Variants in LIMA1 observed in about 807,000 individuals in gnomAD.
The protein encoded by LIMA1 is LIM domain and actin binding 1, also known as LIM domain and actin-binding protein 1.
In LIMA1, 52 loss-of-function variants were observed where a neutral mutation model predicts 62.6. The observed-to-expected ratio is 0.83, with a 90% CI of 0.67 to 1.05. The LOEUF (loss-of-function observed/expected upper bound fraction) is 1.05, where lower values mean the gene tolerates loss of function less well. LIMA1 is among the 50% of genes least tolerant of loss of function. LIMA1 has a pLI of 0.00. For synonymous variants in LIMA1, 302 were observed against 317.8 expected (o/e 0.95, Z 0.53); for missense variants, 780 against 902.2 (o/e 0.86, Z 1.74).
At chr12:50,216,879 AACCATCATATTCAGCTAAACC>A (rs1169146106) in intron 4 of LIMA1, among the ~76,000 whole-genome samples, 1 of 152,038 alleles carries the variant, frequency 6.6e-6, no homozygotes, top group Non-Finnish European at 1.5e-5. Context: ...AAATAAATAA[AACCATCATATTCAGCTAAACC>A]ACCTGACCTA....
rs1422040241 is a variant in LIMA1 at position 50,177,190 on chromosome 12, T to C, written c.2154A>G (p.Glu718=). ...GGGATTTCTGATTCTGAGTAGTGAA[T>C]TCTTCAGCAAAGGTGTTGTCTACAA... ...SSFVDNTFAE[E]FTTQNQKSQD... is the part of the protein sequence containing the mutation. The change falls in exon 11 of 11, where the codon GAA becomes GAG. Residue 718 remains glutamate (E), a synonymous_variant. Transcript: ENST00000341247. The C allele has an allele frequency of 6.2e-7, 1 of 1,614,162 alleles. No individual in the cohort carries two copies. The highest frequency in any genetic ancestry group is 8.5e-7 in the Non-Finnish European group (1 of 1,180,032).
intron 4 of LIMA1, chr12:50,219,479 T>G (rs377119980): frequency 1.3e-5 from 2 of 152,198 alleles, no homozygotes; most frequent in African/African-American, 4.8e-5. Flanking sequence ...TGAGAGATTC[T>G]GTCTCAAAAA....
intron 4 of LIMA1, among the ~76,000 whole-genome samples, chr12:50,216,360 A>G (rs1235539032): frequency 6.6e-6 from 1 of 151,930 alleles, no homozygotes; most frequent in Non-Finnish European, 1.5e-5. Flanking sequence ...GATTACAGAC[A>G]TGCACCACCA....
At chr12:50,213,553 CTCTT>C (rs973539589) in intron 4 of LIMA1, among the ~76,000 whole-genome samples, 2 of 152,250 alleles carry the variant, frequency 1.3e-5, no homozygotes, top group African/African-American at 4.8e-5. Context: ...TTCTTAAACT[CTCTT>C]AAGGTTCTAG....
chr12:50,240,425 G>T (rs981433938), intron 2 of LIMA1, among the ~76,000 whole-genome samples: 1 of 152,186 alleles, frequency 6.6e-6, no homozygotes, highest in Non-Finnish European at 1.5e-5. Flanking sequence ...GCTGAGAATG[G>T]AGGTGGCATT....
intron 4 of LIMA1, 119 bp from the exon 5 acceptor site, chr12:50,206,187 T>A: frequency 1.4e-6 from 1 of 729,762 alleles, no homozygotes; most frequent in Non-Finnish European, 2.1e-6. Flanking sequence ...TTTTATATTC[T>A]ATAGAATTTT....
At chr12:50,263,903 GTA>G (rs57637973) in intron 1 of LIMA1, among the ~76,000 whole-genome samples, 47,264 of 136,760 alleles carry the variant, frequency 0.35, 8,432 homozygotes, top group South Asian at 0.49. Context: ...TATAAAGTAT[GTA>G]TATATATATA....
intron 2 of LIMA1, among the ~76,000 whole-genome samples, chr12:50,243,110 T>C (rs1204273733): frequency 6.6e-6 from 1 of 152,186 alleles, no homozygotes; most frequent in Non-Finnish European, 1.5e-5. Context: ...TTAACGACTG[T>C]TATAGAGGCT....
chr12:50,201,525 G>A, intron 6 of LIMA1: 2 of 984,286 alleles, frequency 2.0e-6, no homozygotes, highest in Non-Finnish European at 2.4e-6. Context: ...TTGTCATAAG[G>A]AATAAGGATA....
rs193250684 is a variant in LIMA1, at chr12:50,244,244, C to T, written c.119+4389G>A. On this transcript the variant is annotated intron_variant, in intron 2 of 10. Transcript: ENST00000341247. ...TCAGCCTCCCGAGTAGCTGGGATTA[C>T]AGGCATGGGCCACGATGCCCAGCTA... 3.8e-3 allele frequency among the ~76,000 whole-genome samples: 575 copies of T among 152,316 alleles called. 2 individuals are homozygous for T. The highest frequency in any genetic ancestry group is 6.7e-3 in the Non-Finnish European group (458 of 68,022).
At chr12:50,277,582 A>G (rs1025089775) in intron 1 of LIMA1, among the ~76,000 whole-genome samples, 1 of 152,132 alleles carries the variant, frequency 6.6e-6, no homozygotes, top group African/African-American at 2.4e-5. Context: ...AGATCACCTG[A>G]TTGGTTGATG....
chr12:50,184,663 G>A (rs1213833747), intron 9 of LIMA1, among the ~76,000 whole-genome samples: 2 of 152,064 alleles, frequency 1.3e-5, no homozygotes, highest in Non-Finnish European at 2.9e-5. Context: ...AACAAAAGGA[G>A]AGATATTAAA....
intron 2 of LIMA1, among the ~76,000 whole-genome samples, chr12:50,237,014 G>C (rs1941706318): frequency 6.6e-6 from 1 of 152,126 alleles, no homozygotes; most frequent in Admixed American, 6.6e-5. Context: ...AGGTAAATTG[G>C]TAAAACCTTT....
At chr12:50,216,305 T>C (rs909413062) in intron 4 of LIMA1, among the ~76,000 whole-genome samples, 1 of 152,020 alleles carries the variant, frequency 6.6e-6, no homozygotes, top group Non-Finnish European at 1.5e-5. Context: ...AACTCTGCCT[T>C]CTGGGTTCAA....
chr12:50,276,531 A>G (rs747758769), intron 1 of LIMA1, among the ~76,000 whole-genome samples: 1 of 152,224 alleles, frequency 6.6e-6, no homozygotes, highest in Non-Finnish European at 1.5e-5. Context: ...CAATCTCTGG[A>G]TGGTGAAGGC....
At chr12:50,225,321 C>T (rs1425522980) in intron 3 of LIMA1, among the ~76,000 whole-genome samples, 4 of 152,050 alleles carry the variant, frequency 2.6e-5, no homozygotes, top group Non-Finnish European at 4.4e-5. Context: ...AATATGTACC[C>T]GACATGAATA....
intron 5 of LIMA1, among the ~76,000 whole-genome samples, chr12:50,204,986 A>C (rs2138486162): frequency 6.6e-6 from 1 of 152,360 alleles, no homozygotes; most frequent in South Asian, 2.1e-4. Context: ...AAAAGCACGA[A>C]GAAGAAAATC....
intron 2 of LIMA1, chr12:50,234,096 GA>G: frequency 4.4e-6 from 2 of 458,532 alleles, no homozygotes; most frequent in Admixed American, 2.6e-5. Context: ...AGACCTCTGA[GA>G]AAAAAATTAA....
chr12:50,205,531 C>T (rs1026239984), intron 5 of LIMA1, among the ~76,000 whole-genome samples: 2 of 151,834 alleles, frequency 1.3e-5, no homozygotes, highest in African/African-American at 4.8e-5. Context: ...AAACATAATT[C>T]CACTCTCAAA....
Sources: gnomAD v4.1 joint callset for allele counts (sites outside exome capture counted in the v4.1 genomes callset) on GRCh38, gnomAD v4.1.1 for gene constraint, MANE v1.5 for transcripts, NCBI Gene and HGNC (gene_info 2026-07-23, HGNC 2026-07-21) for gene names.